PCDHGB5: variants seen among roughly 807,000 people sequenced by gnomAD.
PCDHGB5 encodes the protein protocadherin gamma-B5.
In PCDHGB5, 48 loss-of-function variants were observed where a neutral mutation model predicts 62.9. The ratio of observed to expected loss-of-function variants is 0.76; its 90% CI spans 0.61 to 0.97. PCDHGB5 has a LOEUF of 0.97. Ranked by LOEUF, PCDHGB5 falls within the 50% of genes least tolerant of loss-of-function variation. The pLI is 0.00. For synonymous variants in PCDHGB5, 474 were observed against 511.2 expected (o/e 0.93, Z 0.98); for missense variants, 1,118 against 1,198.6 (o/e 0.93, Z 0.99).
chr5:141,436,120 TC>T (rs2154556955), intron 1 of PCDHGB5, among the ~76,000 whole-genome samples: 1 of 152,344 alleles, frequency 6.6e-6, no homozygotes, highest in South Asian at 2.1e-4. Context: ...GAAACCTCTC[TC>T]CTCCATCATC....
chr5:141,436,931 G>A (rs1026520169), intron 1 of PCDHGB5, among the ~76,000 whole-genome samples: 1 of 152,114 alleles, frequency 6.6e-6, no homozygotes, highest in Non-Finnish European at 1.5e-5. Context: ...CTTTTTCTTT[G>A]TCTGAACCAT....
chr5:141,423,071 C>T, intron 1 of PCDHGB5: 2 of 1,614,120 alleles, frequency 1.2e-6, no homozygotes, highest in South Asian at 1.1e-5. Flanking sequence ...GCCAGCGAGC[C>T]GGGACTCTTC....
At chr5:141,408,917 C>G in intron 1 of PCDHGB5, 1 of 1,613,366 alleles carries the variant, frequency 6.2e-7, no homozygotes, top group South Asian at 1.1e-5. Flanking sequence ...CAATGATAAC[C>G]CCCCGGTTTT....
intron 2 of PCDHGB5, among the ~76,000 whole-genome samples, chr5:141,500,148 G>A (rs936567158): frequency 6.6e-6 from 1 of 150,990 alleles, no homozygotes; most frequent in Non-Finnish European, 1.5e-5. Flanking sequence ...ACTTTTCTTT[G>A]TGTAATCAAA....
intron 1 of PCDHGB5, chr5:141,422,637 C>T (rs980166515): frequency 8.7e-5 from 141 of 1,612,568 alleles, no homozygotes; most frequent in Non-Finnish European, 1.2e-4. Flanking sequence ...CCAGGGGTGC[C>T]TCCATCTTCT....
intron 1 of PCDHGB5, chr5:141,468,541 A>G (rs1407685120): frequency 6.6e-6 from 1 of 152,076 alleles, no homozygotes. Context: ...GTTTCCTGAC[A>G]TATTTAACAT....
chr5:141,454,356 T>G (rs1461475653), intron 1 of PCDHGB5, among the ~76,000 whole-genome samples: 1 of 152,224 alleles, frequency 6.6e-6, no homozygotes, highest in East Asian at 1.9e-4. Context: ...TGATCCAAAC[T>G]TAGAAAGGAG....
chr5:141,414,849 C>G (rs10038103), intron 1 of PCDHGB5: 1 of 1,614,134 alleles, frequency 6.2e-7, no homozygotes, highest in African/African-American at 1.3e-5. Flanking sequence ...TTGTGCTGGA[C>G]CAGAACGACA....
At chr5:141,421,278 G>A (rs764787116) in intron 1 of PCDHGB5, 1 of 1,612,872 alleles carries the variant, frequency 6.2e-7, no homozygotes, top group African/African-American at 1.3e-5. Flanking sequence ...TGCTGCTGCT[G>A]TGCATTTTCC....
rs1554116833 is a variant in PCDHGB5, at chr5:141,423,756, G to GGT, written c.2397+23233_2397+23234insTG. 2.2e-4 allele frequency: 100 copies of GGT among 448,536 alleles called. 2 individuals carry two copies. The highest frequency in any genetic ancestry group is 2.1e-3 in the African/African-American group (74 of 35,668). The allele number at this position is 448,536 out of a possible 1,614,324, so 27.8% of individuals were successfully genotyped here. On this transcript the variant is annotated intron_variant, in intron 1 of 3. Coordinates refer to ENST00000617380, the MANE Select transcript of PCDHGB5 (RefSeq NM_018925.3). ...GCCTGTTATGAAAACTGTTTGGGGG[G>GGT]GGGGTGGGGCGGCATATATTTAGTT...
intron 1 of PCDHGB5, chr5:141,414,606 A>C: frequency 6.2e-7 from 1 of 1,613,944 alleles, no homozygotes; most frequent in Non-Finnish European, 8.5e-7. Flanking sequence ...CCATCTTCTC[A>C]GTGACAGCGC....
chr5:141,419,692 C>T (rs2096416788), intron 1 of PCDHGB5: 15 of 1,612,780 alleles, frequency 9.3e-6, no homozygotes, highest in Non-Finnish European at 1.3e-5. Context: ...TGGTGCAGGC[C>T]AGTGAGCCCG....
chr5:141,509,115 G>C (rs1480955058), intron 3 of PCDHGB5, among the ~76,000 whole-genome samples: 1 of 152,186 alleles, frequency 6.6e-6, no homozygotes, highest in Non-Finnish European at 1.5e-5. Flanking sequence ...GAGCGCTGGT[G>C]CGTGAAGAGA....
chr5:141,413,895 T>A (rs749075692), intron 1 of PCDHGB5: 2 of 1,613,308 alleles, frequency 1.2e-6, no homozygotes, highest in South Asian at 2.2e-5. Flanking sequence ...TCGATGCAAA[T>A]GACAACGCGC....
At chr5:141,504,528 C>T (rs750099460) in intron 2 of PCDHGB5, among the ~76,000 whole-genome samples, 2 of 151,854 alleles carry the variant, frequency 1.3e-5, no homozygotes, top group Non-Finnish European at 2.9e-5. Flanking sequence ...ATATTTTATT[C>T]GTGTCATCAT....
At position 141,399,731 on chromosome 5, in the gene PCDHGB5, CGCCTGCGCTCAGCGCAAACGTGA is replaced by C. The variant is rs777966215; in HGVS notation, c.1613_1635del (p.Leu538ArgfsTer63). On this transcript the variant is annotated frameshift_variant, in exon 1 of 4. Coordinates refer to ENST00000617380, the MANE Select transcript of PCDHGB5 (RefSeq NM_018925.3). LOFTEE classifies it high-confidence loss of function. ...ACACTACAGGCCCGCGACCAGGGCT[CGCCTGCGCTCAGCGCAAACGTGA>C]GCCTGCGCGTGTTGGTGGGCGACCG... 3.1e-6 allele frequency: 5 copies of C among 1,613,174 alleles called. No homozygotes were observed. The highest frequency in any genetic ancestry group is 1.7e-5 in the Admixed American group (1 of 59,988).
intron 1 of PCDHGB5, among the ~76,000 whole-genome samples, chr5:141,482,274 G>A (rs1219523359): frequency 6.6e-6 from 1 of 152,094 alleles, no homozygotes; most frequent in Non-Finnish European, 1.5e-5. Flanking sequence ...TTTAGCTTAG[G>A]TAAGTCTTTT....
At chr5:141,450,815 A>ATAT (rs1420984335) in intron 1 of PCDHGB5, among the ~76,000 whole-genome samples, 2,245 of 126,710 alleles carry the variant, frequency 0.018, 73 homozygotes, top group African/African-American at 0.063. Flanking sequence ...TATTTATTTA[A>ATAT]TATTATTATT....
rs1248104988 is a variant in PCDHGB5, at chr5:141,409,585, G to A, written c.2397+9061G>A. 3.1e-6 allele frequency: 5 copies of A among 1,613,912 alleles called. No individual in the cohort carries two copies. The Admixed American group carries it at 5.0e-5, about 16-fold the overall frequency. ...ACCAGACGTCCTACGTGGTCCACGT[G>A]GCCGAGAACAACCCGCCAGGAGCCT... On this transcript the variant is annotated intron_variant, in intron 1 of 3. Coordinates refer to ENST00000617380, the MANE Select transcript of PCDHGB5 (RefSeq NM_018925.3).
Sources: allele counts gnomAD v4.1 joint callset (sites outside exome capture counted in the v4.1 genomes callset), GRCh38; gene constraint gnomAD v4.1.1; transcripts MANE v1.5; gene names NCBI Gene and HGNC (gene_info 2026-07-23, HGNC 2026-07-21).